The following RORA variants were observed in gnomAD, a reference collection of about 807,000 sequenced individuals.
The protein encoded by RORA is RAR related orphan receptor A.
In RORA, 7 loss-of-function variants were observed where a neutral mutation model predicts 69.5. That is an observed-to-expected ratio of 0.10 (90% CI 0.06 to 0.19). The LOEUF is 0.19. Ranked by LOEUF, RORA falls within the 10% of genes least tolerant of loss-of-function variation. The pLI, the probability that RORA is intolerant of heterozygous loss-of-function variation, is 1.00. For missense variants in RORA, 457 were observed against 663.0 expected, an observed-to-expected ratio of 0.69 and a Z score of 3.41; for synonymous variants, 261 against 240.8, an observed-to-expected ratio of 1.08 and a Z score of -0.78.
At chr15:61,089,377 G>T (rs867040535) in intron 1 of RORA, among the ~76,000 whole-genome samples, 20 of 152,176 alleles carry the variant, frequency 1.3e-4, no homozygotes, top group African/African-American at 4.1e-4. Flanking sequence ...GTTTCTCACA[G>T]ATGTAGCTTT....
chr15:60,545,371 T>G (rs558780473), intron 2 of RORA, among the ~76,000 whole-genome samples: 1 of 152,178 alleles, frequency 6.6e-6, no homozygotes, highest in African/African-American at 2.4e-5. Context: ...CTTTAAACTA[T>G]GTCACAAAGA....
chr15:60,940,505 G>C (rs1162211241), intron 1 of RORA, among the ~76,000 whole-genome samples: 1 of 152,172 alleles, frequency 6.6e-6, no homozygotes, highest in Non-Finnish European at 1.5e-5. Flanking sequence ...GGTTGCAGGG[G>C]GACGGGATTG....
At chr15:60,697,064 C>G (rs1399815362) in intron 1 of RORA, among the ~76,000 whole-genome samples, 1 of 152,110 alleles carries the variant, frequency 6.6e-6, no homozygotes, top group East Asian at 1.9e-4. Context: ...AAAGGATTTG[C>G]AAATGGAGCA....
Position 60,492,300 on chromosome 15 carries a change from C to T in RORA, c.*5155G>A, listed in dbSNP as rs2065055496. 6.6e-6 allele frequency: 1 copy of T among 152,126 alleles called. No homozygotes were observed. The highest frequency in any genetic ancestry group is 2.1e-4 in the South Asian group (1 of 4,834). The allele number at this position is 152,126 out of a possible 1,614,324, so 9.4% of individuals were successfully genotyped here. A position where few individuals can be genotyped will look rare whatever the true frequency, so the allele number is the denominator to read the frequency against. On this transcript the variant is annotated 3_prime_UTR_variant, in exon 11 of 11. Transcript: ENST00000335670. ...TAATATGTGGAATATGATAACAAAA[C>T]GGTATTTCAAAAATATAACATGTAA...
At chr15:61,215,031 A>ATTTTTTTTTTTTTTTTT (rs61132940) in intron 1 of RORA, among the ~76,000 whole-genome samples, 1 of 80,626 alleles carries the variant, frequency 1.2e-5, no homozygotes, top group Non-Finnish European at 2.3e-5. Context: ...CGCCCAGCTA[A>ATTTTTTTTTTTTTTTTT]TTTTTTTTTT....
intron 1 of RORA, among the ~76,000 whole-genome samples, chr15:61,193,307 T>C (rs1252328124): frequency 2.0e-5 from 3 of 152,218 alleles, no homozygotes; most frequent in Admixed American, 2.0e-4. Flanking sequence ...CAAGACCCAG[T>C]CCTACCACTG....
chr15:60,766,237 G>A (rs1053179213), intron 1 of RORA, among the ~76,000 whole-genome samples: 8 of 152,076 alleles, frequency 5.3e-5, no homozygotes, highest in African/African-American at 1.4e-4. Context: ...GAGCCTGCGA[G>A]CCTGTGTCTG....
intron 1 of RORA, among the ~76,000 whole-genome samples, chr15:61,217,582 A>G (rs1273982450): frequency 1.3e-5 from 2 of 152,198 alleles, no homozygotes; most frequent in Non-Finnish European, 2.9e-5. Context: ...CAGGTATTTC[A>G]GTGAGCTTCT....
At chr15:60,836,690 C>T (rs761373128) in intron 1 of RORA, among the ~76,000 whole-genome samples, 1 of 152,158 alleles carries the variant, frequency 6.6e-6, no homozygotes, top group Non-Finnish European at 1.5e-5. Flanking sequence ...CCAGGTTTTC[C>T]GTCTTAGCTG....
intron 2 of RORA, among the ~76,000 whole-genome samples, chr15:60,587,401 G>C (rs1409411223): frequency 6.6e-6 from 1 of 152,094 alleles, no homozygotes; most frequent in Non-Finnish European, 1.5e-5. Flanking sequence ...CCACTAACTA[G>C]AGACAAAGTT....
intron 1 of RORA, among the ~76,000 whole-genome samples, chr15:60,821,513 C>G (rs140159327): frequency 6.6e-6 from 1 of 152,304 alleles, no homozygotes; most frequent in Non-Finnish European, 1.5e-5. Context: ...ACTTTTATCC[C>G]CTATCTCTCC....
At chr15:61,066,333 A>C (rs1219705156) in intron 1 of RORA, among the ~76,000 whole-genome samples, 1 of 151,904 alleles carries the variant, frequency 6.6e-6, no homozygotes, top group African/African-American at 2.4e-5. Context: ...AATTTCTTTC[A>C]TCTGGGAAAC....
chr15:60,914,273 A>G (rs1370127647), intron 1 of RORA, among the ~76,000 whole-genome samples: 3 of 152,138 alleles, frequency 2.0e-5, no homozygotes, highest in African/African-American at 7.2e-5. Context: ...AAAGGGTGGG[A>G]GGCTTTGGGG....
chr15:60,559,434 A>C (rs2067469377), intron 2 of RORA, among the ~76,000 whole-genome samples: 1 of 152,170 alleles, frequency 6.6e-6, no homozygotes. Context: ...TTGTGTAAAA[A>C]CCAATTATAA....
intron 1 of RORA, among the ~76,000 whole-genome samples, chr15:60,966,426 T>G (rs1247242221): frequency 6.6e-6 from 1 of 152,234 alleles, no homozygotes; most frequent in African/African-American, 2.4e-5. Flanking sequence ...ATTCCACCAA[T>G]GTGATTCATT....
intron 1 of RORA, among the ~76,000 whole-genome samples, chr15:60,822,130 CTTATT>C (rs758926928): frequency 6.6e-6 from 1 of 152,260 alleles, no homozygotes; most frequent in African/African-American, 2.4e-5. Context: ...TGGTAAAACT[CTTATT>C]TTATCAAAGG....
chr15:61,174,042 T>C (rs2079607462), intron 1 of RORA, among the ~76,000 whole-genome samples: 1 of 152,216 alleles, frequency 6.6e-6, no homozygotes, highest in Admixed American at 6.5e-5. Context: ...TTCCATCCTG[T>C]TCCTGGCCAT....
intron 1 of RORA, among the ~76,000 whole-genome samples, chr15:60,701,618 C>G (rs1174851245): frequency 6.6e-6 from 1 of 152,258 alleles, no homozygotes; most frequent in Non-Finnish European, 1.5e-5. Context: ...AGAACTCTGA[C>G]AATGCCCAGG....
chr15:60,568,155 A>G (rs1174106055), intron 2 of RORA, among the ~76,000 whole-genome samples: 1 of 152,216 alleles, frequency 6.6e-6, no homozygotes, highest in African/African-American at 2.4e-5. Flanking sequence ...TTCCAGGAAA[A>G]TAAGCTCTGG....
Sources: gnomAD v4.1 joint callset for allele counts (sites outside exome capture counted in the v4.1 genomes callset) on GRCh38, gnomAD v4.1.1 for gene constraint, MANE v1.5 for transcripts, NCBI Gene and HGNC (gene_info 2026-07-23, HGNC 2026-07-21) for gene names.